GRID1: variants seen among roughly 807,000 people sequenced by gnomAD.
The protein encoded by GRID1 is glutamate ionotropic receptor delta type subunit 1, also known as glutamate receptor ionotropic, delta-1.
A neutral mutation model predicts 98.0 loss-of-function variants in GRID1; 28 were observed. That is an observed-to-expected ratio of 0.29 (90% CI 0.21 to 0.39). The LOEUF (loss-of-function observed/expected upper bound fraction) is 0.39, where lower values mean the gene tolerates loss of function less well. GRID1 is among the 10% of genes least tolerant of loss of function. The probability of loss-of-function intolerance (pLI) is 1.00; values close to 1 mark genes in which losing one functional copy is unlikely to be tolerated. For missense variants in GRID1, 1,111 were observed against 1,340.5 expected, an observed-to-expected ratio of 0.83 and a Z score of 2.67; for synonymous variants, 553 against 538.5, an observed-to-expected ratio of 1.03 and a Z score of -0.37.
At chr10:85,689,560 T>C (rs965812708) in intron 12 of GRID1, among the ~76,000 whole-genome samples, 2 of 151,894 alleles carry the variant, frequency 1.3e-5, no homozygotes, top group African/African-American at 4.8e-5. Context: ...ATAGTAAATA[T>C]TATTAAACAA....
chr10:86,203,146 T>C (rs1375694850), intron 3 of GRID1, among the ~76,000 whole-genome samples: 2 of 152,208 alleles, frequency 1.3e-5, no homozygotes, highest in Non-Finnish European at 2.9e-5. Context: ...CAGATCAGCA[T>C]TGAAAAAAAG....
At chr10:86,276,770 G>A (rs557231188) in intron 2 of GRID1, among the ~76,000 whole-genome samples, 98 of 152,150 alleles carry the variant, frequency 6.4e-4, no homozygotes, top group African/African-American at 2.2e-3. Context: ...GATTACAGGC[G>A]TGAGCCACCG....
chr10:86,016,268 T>C (rs1842979070), intron 4 of GRID1, among the ~76,000 whole-genome samples: 1 of 150,964 alleles, frequency 6.6e-6, no homozygotes, highest in South Asian at 2.1e-4. Context: ...TGCCTCAGCC[T>C]CCCAAGTATC....
intron 2 of GRID1, among the ~76,000 whole-genome samples, chr10:86,247,234 CAG>C (rs1392660000): frequency 7.0e-6 from 1 of 142,172 alleles, no homozygotes; most frequent in Admixed American, 7.0e-5. Context: ...GATGGAAGGA[CAG>C]AGGGATGGAC....
chr10:85,826,592 A>G (rs1842822652), intron 8 of GRID1, among the ~76,000 whole-genome samples: 1 of 151,888 alleles, frequency 6.6e-6, no homozygotes, highest in Admixed American at 6.6e-5. Flanking sequence ...TTGCCAACAC[A>G]TGCACCCTGC....
chr10:86,000,980 A>G (rs1210694529), intron 4 of GRID1, among the ~76,000 whole-genome samples: 2 of 152,214 alleles, frequency 1.3e-5, no homozygotes, highest in African/African-American at 4.8e-5. Context: ...GAAACCAACT[A>G]TGATACACCA....
rs79607579 is a variant in GRID1 at position 86,122,757 on chromosome 10, T to C, written c.726+16062A>G. Among the ~76,000 whole-genome samples the C allele has an allele frequency of 5.1e-4, 77 of 152,350 alleles. 1 individual carries two copies. Among genetic ancestry groups the C allele is most frequent in the African/African-American group, 1.8e-3 (76 of 41,584 alleles). ...TTTTTTCCTCACCTTTTAACTGGCC[T>C]CTGAAGTCTCCCAGTATGCCTGGAC... On this transcript the variant is annotated intron_variant, in intron 4 of 15. Coordinates refer to ENST00000327946, the MANE Select transcript of GRID1 (RefSeq NM_017551.3).
chr10:86,163,035 G>A (rs551967639), intron 3 of GRID1, among the ~76,000 whole-genome samples: 1 of 152,350 alleles, frequency 6.6e-6, no homozygotes, highest in South Asian at 2.1e-4. Flanking sequence ...AAGAACCTGA[G>A]GAAACACAGG....
At chr10:85,712,487 T>G (rs1841593258) in intron 12 of GRID1, among the ~76,000 whole-genome samples, 1 of 151,826 alleles carries the variant, frequency 6.6e-6, no homozygotes, top group African/African-American at 2.4e-5. Flanking sequence ...GGGACATCAA[T>G]GCCCCACTTT....
chr10:85,865,146 A>G (rs528923358), intron 6 of GRID1, among the ~76,000 whole-genome samples: 1 of 152,190 alleles, frequency 6.6e-6, no homozygotes, highest in African/African-American at 2.4e-5. Flanking sequence ...CAAGTCCTAA[A>G]CTAACTTGTC....
At chr10:86,255,072 T>G (rs1846896960) in intron 2 of GRID1, among the ~76,000 whole-genome samples, 2 of 152,288 alleles carry the variant, frequency 1.3e-5, no homozygotes, top group Admixed American at 1.3e-4. Context: ...TTTCCCACTG[T>G]GTCTCCTGCT....
intron 5 of GRID1, among the ~76,000 whole-genome samples, chr10:85,876,034 T>C (rs1476485276): frequency 1.3e-5 from 2 of 152,238 alleles, no homozygotes; most frequent in African/African-American, 4.8e-5. Flanking sequence ...TCTTGAAAGA[T>C]ATAATTCTAA....
At chr10:86,247,220 A>G (rs61856566) in intron 2 of GRID1, among the ~76,000 whole-genome samples, 12,830 of 141,482 alleles carry the variant, frequency 0.091, 627 homozygotes, top group Middle Eastern at 0.17. Context: ...TAGATGGGTA[A>G]GTAGATGGAA....
At chr10:85,629,108 T>C (rs1430048867) in intron 13 of GRID1, among the ~76,000 whole-genome samples, 2 of 152,112 alleles carry the variant, frequency 1.3e-5, no homozygotes, top group Non-Finnish European at 1.5e-5. Flanking sequence ...CATCCTGGTA[T>C]TCCTGTGTCC....
chr10:85,811,412 G>C (rs1214024411), intron 8 of GRID1, among the ~76,000 whole-genome samples: 2 of 152,098 alleles, frequency 1.3e-5, no homozygotes, highest in Non-Finnish European at 2.9e-5. Flanking sequence ...TATACAAAAT[G>C]CCAGTGAGAT....
chr10:86,110,594 T>C (rs1360965888), intron 4 of GRID1, among the ~76,000 whole-genome samples: 1 of 152,148 alleles, frequency 6.6e-6, no homozygotes, highest in Non-Finnish European at 1.5e-5. Context: ...AGGCCATCAC[T>C]GAGATGGCCA....
At chr10:86,229,418 C>T (rs61857815) in intron 2 of GRID1, among the ~76,000 whole-genome samples, 1,686 of 152,320 alleles carry the variant, frequency 0.011, 25 homozygotes, top group Middle Eastern at 0.024. Flanking sequence ...TTGGGCAAGA[C>T]ACCTAACTTC....
At chr10:85,610,029 T>C (rs746528778) in intron 15 of GRID1, among the ~76,000 whole-genome samples, 1 of 152,198 alleles carries the variant, frequency 6.6e-6, no homozygotes, top group Non-Finnish European at 1.5e-5. Flanking sequence ...GTGTCTAAAC[T>C]GTGACGACAT....
chr10:86,091,664 G>A (rs1844150459), intron 4 of GRID1, among the ~76,000 whole-genome samples: 1 of 152,062 alleles, frequency 6.6e-6, no homozygotes. Context: ...ATCACCTCCT[G>A]GCAGGAGACC....
Sources: allele counts gnomAD v4.1 joint callset (sites outside exome capture counted in the v4.1 genomes callset), GRCh38; gene constraint gnomAD v4.1.1; transcripts MANE v1.5; gene names NCBI Gene and HGNC (gene_info 2026-07-23, HGNC 2026-07-21).